EPB41L4B: variants seen among roughly 807,000 people sequenced by gnomAD.
The protein encoded by EPB41L4B is erythrocyte membrane protein band 4.1 like 4B.
EPB41L4B carries 30 observed loss-of-function variants against 112.5 expected under a neutral mutation model. The observed-to-expected ratio is 0.27, with a 90% CI of 0.20 to 0.36. The LOEUF (loss-of-function observed/expected upper bound fraction) is 0.36. EPB41L4B is among the 10% of genes least tolerant of loss of function. EPB41L4B has a pLI of 1.00. For synonymous variants in EPB41L4B, 408 were observed against 439.7 expected, an observed-to-expected ratio of 0.93 and a Z score of 0.90; for missense variants, 1,024 against 1,133.3, an observed-to-expected ratio of 0.90 and a Z score of 1.38.
At position 109,315,989 on chromosome 9, in the gene EPB41L4B, T is replaced by C. The variant is rs913204372; in HGVS notation, c.306+4152A>G. On this transcript the variant is annotated intron_variant, in intron 1 of 25. Coordinates refer to ENST00000374566, the MANE Select transcript of EPB41L4B (RefSeq NM_019114.5). The stretch of plus-strand genomic sequence containing the variant: ...CTTCAAATCTTTCCAAAGTTCAAAG[T>C]AGAGGAAGGAGAGGTTTCTAAGATT... Among the ~76,000 whole-genome samples, 19 of 152,044 alleles carry C rather than the reference T, an allele frequency of 1.2e-4. 1 individual carries two copies.
intron 11 of EPB41L4B, among the ~76,000 whole-genome samples, chr9:109,254,209 G>A (rs1309202039): frequency 6.6e-6 from 1 of 152,152 alleles, no homozygotes; most frequent in Non-Finnish European, 1.5e-5. Context: ...TAAGCCTGGG[G>A]CAGTTTCCTC....
chr9:109,188,113 C>T lies in EPB41L4B; in HGVS notation c.2302-2508G>A, dbSNP rs545386402. Among the ~76,000 whole-genome samples, 79 of 152,080 alleles carry T rather than the reference C, an allele frequency of 5.2e-4. 1 individual carries two copies. The highest frequency in any genetic ancestry group is 9.1e-4 in the Non-Finnish European group (62 of 67,972). ...GCTTTTGAGTTCAAAATCTGACTCT[C>T]GGGGAAACAGAAAGATTCTCTGCAT... On this transcript the variant is annotated intron_variant, in intron 22 of 25. Coordinates refer to ENST00000374566, the MANE Select transcript of EPB41L4B (RefSeq NM_019114.5).
Position 109,268,378 on chromosome 9 carries a change from T to G in EPB41L4B, c.454+13A>C. The G allele has an allele frequency of 6.2e-7, 1 of 1,610,778 alleles. No individual in the cohort carries two copies. Among genetic ancestry groups the G allele is most frequent in the East Asian group, 2.2e-5 (1 of 44,796 alleles). On this transcript the variant is annotated intron_variant, in intron 3 of 25. Transcript: ENST00000374566. The stretch of plus-strand genomic sequence containing the variant: ...AAAAAAATAAATGAGTGAGCTAAAT[T>G]CTGCTTACTTACTTTTCATCTGCTT...
At chr9:109,232,888 T>C (rs1834001551) in intron 15 of EPB41L4B, among the ~76,000 whole-genome samples, 1 of 152,240 alleles carries the variant, frequency 6.6e-6, no homozygotes, top group African/African-American at 2.4e-5. Flanking sequence ...AAGCTTCTAT[T>C]ATGAACATCC....
At chr9:109,196,868 C>A (rs528464549) in intron 20 of EPB41L4B, among the ~76,000 whole-genome samples, 1 of 152,094 alleles carries the variant, frequency 6.6e-6, no homozygotes, top group African/African-American at 2.4e-5. Context: ...TTGTCTGTAT[C>A]TTTAAAAGCA....
At chr9:109,239,212 G>T (rs1310506744) in intron 15 of EPB41L4B, among the ~76,000 whole-genome samples, 1 of 152,204 alleles carries the variant, frequency 6.6e-6, no homozygotes, top group Non-Finnish European at 1.5e-5. Flanking sequence ...CAAGGCAGAG[G>T]TGAACAGACC....
Position 109,213,706 on chromosome 9 carries a change from T to C in EPB41L4B, c.1746A>G (p.Ile582Met). The C allele has an allele frequency of 6.2e-7, 1 of 1,613,752 alleles. No individual in the cohort carries two copies. Among genetic ancestry groups the C allele is most frequent in the Non-Finnish European group, 8.5e-7 (1 of 1,179,840 alleles). ...GAGCCCCGGCCCTTGGCACCTTGTTTATGTTGATGTGCAGAGGAGGCCAGG... is the reference window on the plus strand; with the variant it reads ...GAGCCCCGGCCCTTGGCACCTTGTTCATGTTGATGTGCAGAGGAGGCCAGG... ...AGPWPPLHIN[I>M]NKAEEKKVSE... Residue 582 changes from isoleucine to methionine, a missense_variant, in exon 17 of 26, where the codon ATA becomes ATG. Physicochemically the swap from Ile to Met is conservative, Grantham distance 10. Transcript: ENST00000374566.
At chr9:109,314,233 T>C (rs1588242347) in intron 1 of EPB41L4B, among the ~76,000 whole-genome samples, 1 of 152,180 alleles carries the variant, frequency 6.6e-6, no homozygotes, top group African/African-American at 2.4e-5. Context: ...AACACGTGTT[T>C]TGAGGACAAA....
At chr9:109,262,230 G>A (rs1025852468) in intron 6 of EPB41L4B, among the ~76,000 whole-genome samples, 2 of 152,132 alleles carry the variant, frequency 1.3e-5, no homozygotes, top group African/African-American at 4.8e-5. Flanking sequence ...ACCTCTCTGA[G>A]TGAGCCAGAT....
At chr9:109,235,589 G>C (rs1242261303) in intron 15 of EPB41L4B, among the ~76,000 whole-genome samples, 1 of 151,360 alleles carries the variant, frequency 6.6e-6, no homozygotes, top group Non-Finnish European at 1.5e-5. Context: ...GTGGAGACAG[G>C]GTTTCACCAT....
At chr9:109,230,983 A>G (rs7847563) in intron 15 of EPB41L4B, among the ~76,000 whole-genome samples, 2,047 of 152,204 alleles carry the variant, frequency 0.013, 50 homozygotes, top group African/African-American at 0.047. Flanking sequence ...ATCAGGATGA[A>G]AACTCAACAC....
At chr9:109,310,051 A>C (rs1837359521) in intron 1 of EPB41L4B, among the ~76,000 whole-genome samples, 1 of 152,194 alleles carries the variant, frequency 6.6e-6, no homozygotes, top group Non-Finnish European at 1.5e-5. Flanking sequence ...TACACCAGAG[A>C]CCAATTCCAG....
chr9:109,276,154 TACACACACACACAC>T (rs66791042), intron 2 of EPB41L4B, among the ~76,000 whole-genome samples: 35,207 of 141,500 alleles, frequency 0.25, 4,665 homozygotes, highest in East Asian at 0.45. Flanking sequence ...CGTGTGTGTA[TACACACACACACAC>T]ACACACACAC....
intron 20 of EPB41L4B, among the ~76,000 whole-genome samples, chr9:109,199,227 G>T (rs902520180): frequency 6.6e-6 from 1 of 152,174 alleles, no homozygotes; most frequent in Non-Finnish European, 1.5e-5. Context: ...GTTGACAGAC[G>T]GGGCTGCCTT....
At position 109,182,723 on chromosome 9, in the gene EPB41L4B, A is replaced by G; in HGVS notation, c.2487+6T>C. 3.1e-6 allele frequency: 5 copies of G among 1,605,516 alleles called. No individual in the cohort carries two copies. The highest frequency in any genetic ancestry group is 4.3e-6 in the Non-Finnish European group (5 of 1,172,220). On this transcript the variant is annotated splice_donor_region_variant and intron_variant, in intron 24 of 25. Coordinates refer to ENST00000374566, the MANE Select transcript of EPB41L4B (RefSeq NM_019114.5). ...AAATGCACATCTGTTTTCTGGATCTACTTACAGTAAACTGTGGCCCTGTGG... is the reference window on the plus strand; with the variant it reads ...AAATGCACATCTGTTTTCTGGATCTGCTTACAGTAAACTGTGGCCCTGTGG...
chr9:109,315,750 T>C (rs1837611002), intron 1 of EPB41L4B, among the ~76,000 whole-genome samples: 1 of 152,206 alleles, frequency 6.6e-6, no homozygotes, highest in Non-Finnish European at 1.5e-5. Context: ...TCATGTATGT[T>C]ATGTGAGATC....
At chr9:109,317,739 G>A (rs1375821833) in intron 1 of EPB41L4B, among the ~76,000 whole-genome samples, 1 of 152,174 alleles carries the variant, frequency 6.6e-6, no homozygotes, top group African/African-American at 2.4e-5. Context: ...GGGGTATCAC[G>A]GTCAAAGGTA....
chr9:109,213,037 C>T (rs563130852), intron 17 of EPB41L4B, among the ~76,000 whole-genome samples: 3 of 152,236 alleles, frequency 2.0e-5, no homozygotes, highest in South Asian at 2.1e-4. Flanking sequence ...TGTGAAGGGC[C>T]GTGTGACCTT....
At chr9:109,262,075 C>T (rs891518421) in intron 6 of EPB41L4B, among the ~76,000 whole-genome samples, 6 of 152,032 alleles carry the variant, frequency 3.9e-5, no homozygotes, top group South Asian at 2.1e-4. Flanking sequence ...CTTCTGCATC[C>T]GAAACTACAC....
Sources: allele counts gnomAD v4.1 joint callset (sites outside exome capture counted in the v4.1 genomes callset), GRCh38; gene constraint gnomAD v4.1.1; transcripts MANE v1.5; gene names NCBI Gene and HGNC (gene_info 2026-07-23, HGNC 2026-07-21).